The following NTNG1 variants were observed in gnomAD, a reference collection of about 807,000 sequenced individuals.
The protein encoded by NTNG1 is netrin G1, also known as netrin-G1.
A neutral mutation model predicts 54.0 loss-of-function variants in NTNG1; 16 were observed. That is an observed-to-expected ratio of 0.30 (90% CI 0.20 to 0.45). The LOEUF (loss-of-function observed/expected upper bound fraction) is 0.45. Among genes scored for constraint, NTNG1 ranks in the 20% least tolerant of loss-of-function variants. NTNG1 has a pLI of 1.00. For missense variants in NTNG1, 530 were observed against 678.7 expected (o/e 0.78, Z 2.43); for synonymous variants, 255 against 263.1 (o/e 0.97, Z 0.30).
chr1:107,220,071 T>G (rs1250159763), intron 2 of NTNG1, among the ~76,000 whole-genome samples: 1 of 151,774 alleles, frequency 6.6e-6, no homozygotes, highest in Non-Finnish European at 1.5e-5. Context: ...GCCCAAGGAG[T>G]GTGGTTTCCA....
chr1:107,164,656 G>A (rs1557773226), intron 2 of NTNG1, among the ~76,000 whole-genome samples: 1 of 152,178 alleles, frequency 6.6e-6, no homozygotes, highest in Non-Finnish European at 1.5e-5. Context: ...GGTGATGTCA[G>A]GAAAGTAAAG....
intron 2 of NTNG1, among the ~76,000 whole-genome samples, chr1:107,244,026 T>G (rs10494065): frequency 0.059 from 9,027 of 152,234 alleles, 880 homozygotes; most frequent in African/African-American, 0.2. Flanking sequence ...CACTTAGCAA[T>G]AGAGCATCTT....
intron 2 of NTNG1, among the ~76,000 whole-genome samples, chr1:107,266,334 G>C (rs761263013): frequency 6.7e-6 from 1 of 149,454 alleles, no homozygotes; most frequent in African/African-American, 2.4e-5. Flanking sequence ...ATGGTTCTGC[G>C]GGCTGTACAG....
chr1:107,218,313 C>A (rs1447589312), intron 2 of NTNG1, among the ~76,000 whole-genome samples: 1 of 152,098 alleles, frequency 6.6e-6, no homozygotes, highest in Non-Finnish European at 1.5e-5. Flanking sequence ...ATATCTTTTT[C>A]CATTCTTTTA....
chr1:107,299,473 T>G (rs368998263), intron 2 of NTNG1, among the ~76,000 whole-genome samples: 3 of 152,198 alleles, frequency 2.0e-5, no homozygotes, highest in East Asian at 3.8e-4. Flanking sequence ...ATAACTATTA[T>G]TTTTTAGGCA....
At chr1:107,263,183 G>C (rs1202073047) in intron 2 of NTNG1, among the ~76,000 whole-genome samples, 3 of 152,192 alleles carry the variant, frequency 2.0e-5, no homozygotes, top group Non-Finnish European at 4.4e-5. Context: ...GAATGTGACT[G>C]CATCCCCACA....
At chr1:107,267,282 A>G (rs1663812448) in intron 2 of NTNG1, among the ~76,000 whole-genome samples, 1 of 152,200 alleles carries the variant, frequency 6.6e-6, no homozygotes. Context: ...AATAGTAGCA[A>G]TGTTGACCAT....
intron 3 of NTNG1, among the ~76,000 whole-genome samples, chr1:107,372,940 T>C (rs1671013963): frequency 6.6e-6 from 1 of 152,186 alleles, no homozygotes; most frequent in African/African-American, 2.4e-5. Flanking sequence ...AGTCTGATAT[T>C]GATATATCAT....
chr1:107,379,321 G>A (rs1671499020), intron 3 of NTNG1, among the ~76,000 whole-genome samples: 1 of 152,138 alleles, frequency 6.6e-6, no homozygotes, highest in Non-Finnish European at 1.5e-5. Flanking sequence ...GAATTGTAAA[G>A]ACCTATAAGA....
chr1:107,330,515 G>A lies in NTNG1; in HGVS notation c.887+5593G>A, dbSNP rs745455002. 2.0e-5 allele frequency among the ~76,000 whole-genome samples: 3 copies of A among 152,242 alleles called. No homozygotes were observed. The East Asian group carries it at 5.8e-4, about 29-fold the overall frequency. ...CTCAGATTTGCTTACAAAGTCAGTAGGACTTGTTGACCAGTCAGATTTTGG... is the reference window on the plus strand; with the variant it reads ...CTCAGATTTGCTTACAAAGTCAGTAAGACTTGTTGACCAGTCAGATTTTGG... On this transcript the variant is annotated intron_variant, in intron 3 of 7. Coordinates refer to ENST00000370068, the MANE Select transcript of NTNG1 (RefSeq NM_001113226.3).
chr1:107,316,174 A>G (rs947892130), intron 2 of NTNG1, among the ~76,000 whole-genome samples: 3 of 152,202 alleles, frequency 2.0e-5, no homozygotes, highest in African/African-American at 7.2e-5. Context: ...GGTGATTCCA[A>G]TGCACACCAG....
chr1:107,206,779 G>A (rs1659225309), intron 2 of NTNG1, among the ~76,000 whole-genome samples: 1 of 152,100 alleles, frequency 6.6e-6, no homozygotes. Flanking sequence ...TGTTGGTGGA[G>A]GGCTTATGAG....
chr1:107,235,822 G>A (rs1661374095), intron 2 of NTNG1, among the ~76,000 whole-genome samples: 1 of 152,156 alleles, frequency 6.6e-6, no homozygotes, highest in African/African-American at 2.4e-5. Flanking sequence ...GATGGTGGGA[G>A]GGAGATTAGC....
Position 107,195,411 on chromosome 1 carries a change from T to C in NTNG1, c.246+46572T>C, listed in dbSNP as rs569242976. On this transcript the variant is annotated intron_variant, in intron 2 of 7. Transcript: ENST00000370068. ...GCCTTACTCCTGCCTTTGCCTCCCC[T>C]TCAGTCTATTTGCAACTTTGGCAGC... 1.2e-4 allele frequency among the ~76,000 whole-genome samples: 19 copies of C among 152,090 alleles called. No homozygotes were observed. The East Asian group carries it at 2.9e-3, about 23-fold the overall frequency.
At chr1:107,289,728 A>G (rs1397053908) in intron 2 of NTNG1, among the ~76,000 whole-genome samples, 4 of 152,162 alleles carry the variant, frequency 2.6e-5, no homozygotes, top group Non-Finnish European at 4.4e-5. Context: ...TGTGGTGTAT[A>G]CTGCATACAG....
At chr1:107,350,633 A>G (rs556132348) in intron 3 of NTNG1, among the ~76,000 whole-genome samples, 1 of 152,234 alleles carries the variant, frequency 6.6e-6, no homozygotes, top group East Asian at 1.9e-4. Context: ...AGTGTAATGC[A>G]TATATACAAT....
intron 7 of NTNG1, among the ~76,000 whole-genome samples, chr1:107,472,567 T>C (rs1281565586): frequency 6.6e-6 from 1 of 152,136 alleles, no homozygotes; most frequent in Non-Finnish European, 1.5e-5. Context: ...AATAGTTGCA[T>C]AGTATGTCCA....
At chr1:107,278,750 A>G (rs1391068659) in intron 2 of NTNG1, among the ~76,000 whole-genome samples, 1 of 151,890 alleles carries the variant, frequency 6.6e-6, no homozygotes, top group Non-Finnish European at 1.5e-5. Context: ...TTGTTTGATG[A>G]TTGTTGTATT....
At chr1:107,297,287 G>A (rs1260855683) in intron 2 of NTNG1, among the ~76,000 whole-genome samples, 1 of 144,484 alleles carries the variant, frequency 6.9e-6, no homozygotes, top group Non-Finnish European at 1.5e-5. Flanking sequence ...GATGCATGTT[G>A]TAAATTGAAG....
Sources: gnomAD v4.1 joint callset for allele counts (sites outside exome capture counted in the v4.1 genomes callset) on GRCh38, gnomAD v4.1.1 for gene constraint, MANE v1.5 for transcripts, NCBI Gene and HGNC (gene_info 2026-07-23, HGNC 2026-07-21) for gene names.